The following CACNA1A variants were observed in gnomAD, a reference collection of about 807,000 sequenced individuals.
CACNA1A encodes calcium voltage-gated channel subunit alpha1 A.
CACNA1A carries 57 observed loss-of-function variants against 262.4 expected under a neutral mutation model. The observed-to-expected ratio is 0.22, with a 90% CI of 0.18 to 0.27. The LOEUF (loss-of-function observed/expected upper bound fraction) is 0.27, where lower values mean the gene tolerates loss of function less well. Ranked by LOEUF, CACNA1A falls within the 10% of genes least tolerant of loss-of-function variation. CACNA1A has a pLI of 1.00. For missense variants in CACNA1A, 2,526 were observed against 3,562.8 expected, an observed-to-expected ratio of 0.71 and a Z score of 7.41; for synonymous variants, 1,431 against 1,419.3, an observed-to-expected ratio of 1.01 and a Z score of -0.18.
rs1489702072 is a variant in CACNA1A, at chr19:13,298,674, G to C, written c.2959C>G (p.Arg987Gly). The C allele has an allele frequency of 6.8e-6, 10 of 1,477,128 alleles. No individual in the cohort carries two copies. The highest frequency in any genetic ancestry group is 1.8e-6 in the Non-Finnish European group (2 of 1,116,884). 91.5% of individuals were successfully genotyped at this position (1,477,128 alleles called of 1,614,324 possible). A position where few individuals can be genotyped will look rare whatever the true frequency, so the allele number is the denominator to read the frequency against. The part of the protein sequence containing the change: ...ARHREGSRPA[R>G]GGEGEGEGPD... Reference sequence around the variant, plus strand: ...CCCTCGCCCTCGCCCTCGCCGCCCCGGGCCGGCCGGCTGCCCTCGCGGTGC... The same window carrying C: ...CCCTCGCCCTCGCCCTCGCCGCCCCCGGCCGGCCGGCTGCCCTCGCGGTGC... Residue 987 changes from arginine (R) to glycine (G), a missense_variant, in exon 19 of 47, where the codon CGG (arginine) becomes GGG (glycine). This residue lies in a region of CACNA1A where 765 missense variants were observed against 748.6 expected (regional missense o/e 1.02). Coordinates refer to ENST00000360228, the MANE Select transcript of CACNA1A (RefSeq NM_001127222.2).
At chr19:13,384,296 G>A (rs1170318697) in intron 3 of CACNA1A, among the ~76,000 whole-genome samples, 2 of 152,114 alleles carry the variant, frequency 1.3e-5, no homozygotes, top group East Asian at 3.8e-4. Context: ...GATAACCCAG[G>A]GTAGATGAGT....
chr19:13,409,989 C>T (rs1168136603), intron 3 of CACNA1A, among the ~76,000 whole-genome samples: 1 of 152,162 alleles, frequency 6.6e-6, no homozygotes, highest in Admixed American at 6.5e-5. Context: ...CCACAAGCAA[C>T]CACCACTATT....
intron 3 of CACNA1A, among the ~76,000 whole-genome samples, chr19:13,372,254 T>TG (rs2059335538): frequency 6.6e-6 from 1 of 152,072 alleles, no homozygotes; most frequent in Non-Finnish European, 1.5e-5. Flanking sequence ...CTGCAACCTC[T>TG]GCCTCCCGGG....
chr19:13,361,423 C>A (rs954791172), intron 5 of CACNA1A, among the ~76,000 whole-genome samples: 3 of 152,104 alleles, frequency 2.0e-5, no homozygotes, highest in African/African-American at 4.8e-5. Context: ...ACCAGCACAG[C>A]GGGTCTGAGA....
chr19:13,362,354 T>C (rs1293681665), intron 5 of CACNA1A: 1 of 150,910 alleles, frequency 6.6e-6, no homozygotes, highest in African/African-American at 2.5e-5. Context: ...CACGCCACCA[T>C]GCCCGGCTAA....
At position 13,452,729 on chromosome 19, in the gene CACNA1A, G is replaced by A. The variant is rs986042921; in HGVS notation, c.539+147C>T. On this transcript the variant is annotated intron_variant, in intron 3 of 46. Transcript: ENST00000360228. ...TATACAGCTGAGACATGGAGGTGGG[G>A]TGTTGGCAGAAAGGAGGCAGGCGCA... 5.8e-5 allele frequency: 39 copies of A among 672,040 alleles called. 1 individual carries two copies. The South Asian group carries it at 7.1e-4, about 12-fold the overall frequency. The allele number at this position is 672,040 out of a possible 1,614,324, so 41.6% of individuals were successfully genotyped here. A position where few individuals can be genotyped will look rare whatever the true frequency, so the allele number is the denominator to read the frequency against.
At chr19:13,255,405 T>G in intron 28 of CACNA1A, 146 bp from the exon 29 acceptor site, 1 of 694,340 alleles carries the variant, frequency 1.4e-6, no homozygotes, top group Non-Finnish European at 2.3e-6. Context: ...ATTCCTGGGC[T>G]CTCTCTTCCT....
chr19:13,210,536 A>G (rs2054769959), intron 44 of CACNA1A, 81 bp downstream of exon 44: 2 of 1,261,740 alleles, frequency 1.6e-6, no homozygotes, highest in Non-Finnish European at 2.2e-6. Context: ...ACGGTGAGAG[A>G]TGACGGGACT....
intron 1 of CACNA1A, among the ~76,000 whole-genome samples, chr19:13,461,363 A>G (rs945953361): frequency 2.6e-5 from 4 of 151,850 alleles, no homozygotes; most frequent in Non-Finnish European, 5.9e-5. Context: ...AACAAAACAA[A>G]ACAAAACAAA....
At chr19:13,285,863 G>A (rs533434771) in intron 20 of CACNA1A, among the ~76,000 whole-genome samples, 1 of 151,770 alleles carries the variant, frequency 6.6e-6, no homozygotes, top group Non-Finnish European at 1.5e-5. Context: ...CAGGACCATG[G>A]AAAGCCTTTA....
At chr19:13,324,472 G>A (rs1208831428) in intron 10 of CACNA1A, among the ~76,000 whole-genome samples, 1 of 152,184 alleles carries the variant, frequency 6.6e-6, no homozygotes, top group Non-Finnish European at 1.5e-5. Context: ...CGGTGAGGTG[G>A]TGAGGCGATG....
rs769147002 is a variant in CACNA1A at position 13,207,854 on chromosome 19, A to ACCG, written c.6977_6979dup (p.Ala2326dup). ...GGTGGCCGCCCGGCCCGGCCTGGCC[A>ACCG]CCGCCTGCTGCTGCTGCTGCTGCTG... On this transcript the variant is annotated inframe_insertion, in exon 47 of 47. Coordinates refer to ENST00000360228, the MANE Select transcript of CACNA1A (RefSeq NM_001127222.2). This position sits in a 1 kb window ranked among gnomAD's most constrained non-coding sequence, Gnocchi z 5.7. 5 of 1,437,306 alleles carry ACCG rather than the reference A, an allele frequency of 3.5e-6. No individual in the cohort carries two copies. Among genetic ancestry groups the ACCG allele is most frequent in the Admixed American group, 5.0e-5 (2 of 39,856 alleles). The allele number at this position is 1,437,306 out of a possible 1,614,324, so 89.0% of individuals were successfully genotyped here.
intron 3 of CACNA1A, among the ~76,000 whole-genome samples, chr19:13,423,706 G>T (rs920088682): frequency 1.3e-5 from 2 of 151,652 alleles, no homozygotes; most frequent in African/African-American, 4.8e-5. Flanking sequence ...GTAGAGATGA[G>T]GTTTTGCCAC....
At chr19:13,335,604 T>A (rs2058550530) in intron 7 of CACNA1A, among the ~76,000 whole-genome samples, 1 of 152,158 alleles carries the variant, frequency 6.6e-6, no homozygotes, top group African/African-American at 2.4e-5. Context: ...AAAGCCCATA[T>A]GAACCCTCTC....
At chr19:13,380,282 CAAAAAAAAAAA>C (rs58162911) in intron 3 of CACNA1A, among the ~76,000 whole-genome samples, 1 of 22,030 alleles carries the variant, frequency 4.5e-5, no homozygotes, top group Non-Finnish European at 6.9e-5. Flanking sequence ...GATGCCGTCT[CAAAAAAAAAAA>C]AAAAAAAAAA....
At chr19:13,379,472 A>C (rs148775852) in intron 3 of CACNA1A, among the ~76,000 whole-genome samples, 9 of 152,252 alleles carry the variant, frequency 5.9e-5, no homozygotes, top group African/African-American at 2.2e-4. Context: ...TACCTGTATG[A>C]CAGATGTTAG....
In CACNA1A at chr19:13,506,297, C is replaced by T; in HGVS notation, c.-73G>A. 8 of 1,321,132 alleles carry T rather than the reference C, an allele frequency of 6.1e-6. No individual in the cohort carries two copies. The highest frequency in any genetic ancestry group is 6.8e-6 in the Non-Finnish European group (7 of 1,023,666). The allele number at this position is 1,321,132 out of a possible 1,614,324, so 81.8% of individuals were successfully genotyped here. Reference sequence around the variant, plus strand: ...GAAGACGCCGCCGCCGCCGCCGCCGCCGCTGATGCTGAGGCTGCCGGGGCT... The same window carrying T: ...GAAGACGCCGCCGCCGCCGCCGCCGTCGCTGATGCTGAGGCTGCCGGGGCT... On this transcript the variant is annotated 5_prime_UTR_variant, in exon 1 of 47. Coordinates refer to ENST00000360228, the MANE Select transcript of CACNA1A (RefSeq NM_001127222.2).
chr19:13,465,038 C>T (rs1363775064), intron 1 of CACNA1A, among the ~76,000 whole-genome samples: 1 of 152,116 alleles, frequency 6.6e-6, no homozygotes, highest in Admixed American at 6.5e-5. Flanking sequence ...GAGCAATTCT[C>T]CTGCCTCAGC....
rs189807020 is a variant in CACNA1A, at chr19:13,239,140, T to A, written c.4951-3410A>T. 1.6e-4 allele frequency among the ~76,000 whole-genome samples: 24 copies of A among 152,296 alleles called. 1 individual carries two copies. The highest frequency in any genetic ancestry group is 1.5e-3 in the Admixed American group (23 of 15,292). On this transcript the variant is annotated intron_variant, in intron 31 of 46. Coordinates refer to ENST00000360228, the MANE Select transcript of CACNA1A (RefSeq NM_001127222.2). ...CCCTGCTTCCTATCCTCCCAGGCCC[T>A]TCCTGGTGCTTAGGAGAAAGCCCAT...
Sources: allele counts gnomAD v4.1 joint callset (sites outside exome capture counted in the v4.1 genomes callset), GRCh38; gene constraint gnomAD v4.1.1; regional missense constraint gnomAD v4.1.1; non-coding constraint Gnocchi (gnomAD v3.1); transcripts MANE v1.5; gene names NCBI Gene and HGNC (gene_info 2026-07-23, HGNC 2026-07-21).